The following ATF6 variants were observed in gnomAD, a reference collection of about 807,000 sequenced individuals.
The protein encoded by ATF6 is activating transcription factor 6, also known as cyclic AMP-dependent transcription factor ATF-6 alpha.
In ATF6, 53 loss-of-function variants were observed where a neutral mutation model predicts 83.6. The observed-to-expected ratio is 0.63, with a 90% CI of 0.51 to 0.80. The LOEUF (loss-of-function observed/expected upper bound fraction) is 0.80. Among genes scored for constraint, ATF6 ranks in the 30% least tolerant of loss-of-function variants. The pLI, the probability that ATF6 is intolerant of heterozygous loss-of-function variation, is 0.00. For missense variants in ATF6, 744 were observed against 797.9 expected (o/e 0.93, Z 0.81); for synonymous variants, 288 against 285.8 (o/e 1.01, Z -0.08).
chr1:161,775,971 A>G (rs1238768347), intron 1 of ATF6, among the ~76,000 whole-genome samples: 1 of 152,164 alleles, frequency 6.6e-6, no homozygotes, highest in Non-Finnish European at 1.5e-5. Flanking sequence ...GTGTACATAT[A>G]TATATACTTC....
At chr1:161,775,059 A>G (rs114725430) in intron 1 of ATF6, among the ~76,000 whole-genome samples, 1,982 of 152,298 alleles carry the variant, frequency 0.013, 47 homozygotes, top group African/African-American at 0.044. Context: ...ATTCTCAGCA[A>G]ATGAACATGT....
At chr1:161,901,046 G>A (rs867069682) in intron 14 of ATF6, among the ~76,000 whole-genome samples, 6 of 151,974 alleles carry the variant, frequency 3.9e-5, no homozygotes, top group Admixed American at 6.6e-5. Flanking sequence ...TTCTTCTGTC[G>A]TATTAAGCAA....
chr1:161,834,327 G>A (rs570901185), intron 9 of ATF6, among the ~76,000 whole-genome samples: 18 of 152,034 alleles, frequency 1.2e-4, no homozygotes, highest in Admixed American at 3.3e-4. Flanking sequence ...ACATGCACAC[G>A]TATGTTTATT....
intron 15 of ATF6, among the ~76,000 whole-genome samples, chr1:161,933,244 C>T (rs1035050435): frequency 2.6e-5 from 4 of 152,098 alleles, no homozygotes; most frequent in African/African-American, 9.7e-5. Flanking sequence ...TTATATAGAA[C>T]ATTGATATGT....
chr1:161,818,343 G>A (rs1685666910), intron 7 of ATF6, among the ~76,000 whole-genome samples: 1 of 152,058 alleles, frequency 6.6e-6, no homozygotes, highest in Non-Finnish European at 1.5e-5. Context: ...TATAACAATA[G>A]GCTTCATAAC....
chr1:161,920,426 C>G (rs1372272382), intron 15 of ATF6, among the ~76,000 whole-genome samples: 1 of 151,500 alleles, frequency 6.6e-6, no homozygotes, highest in Non-Finnish European at 1.5e-5. Context: ...TCCCAAGTAG[C>G]TGGGACTACA....
chr1:161,918,649 C>T (rs61809463), intron 15 of ATF6, among the ~76,000 whole-genome samples: 19 of 152,146 alleles, frequency 1.2e-4, no homozygotes, highest in Admixed American at 6.5e-4. Flanking sequence ...CAGAGTTGTT[C>T]ATTCTGAGCA....
At chr1:161,777,698 T>C (rs936003842) in intron 1 of ATF6, among the ~76,000 whole-genome samples, 3 of 152,256 alleles carry the variant, frequency 2.0e-5, no homozygotes, top group Admixed American at 6.5e-5. Flanking sequence ...TAATGAAACC[T>C]CATTAGGAAA....
chr1:161,916,870 A>G (rs1375228943), intron 15 of ATF6, among the ~76,000 whole-genome samples: 1 of 152,250 alleles, frequency 6.6e-6, no homozygotes. Flanking sequence ...CACTACTTCA[A>G]AAAATTCCCT....
At chr1:161,839,427 A>G (rs1393885984) in intron 9 of ATF6, among the ~76,000 whole-genome samples, 2 of 152,104 alleles carry the variant, frequency 1.3e-5, no homozygotes, top group African/African-American at 2.4e-5. Flanking sequence ...CAGCAATGCA[A>G]TCACGGCTCA....
intron 14 of ATF6, among the ~76,000 whole-genome samples, chr1:161,876,383 G>T (rs1687217012): frequency 6.6e-6 from 1 of 151,940 alleles, no homozygotes; most frequent in South Asian, 2.1e-4. Context: ...ATTGAGCAAG[G>T]TCGATTATCC....
chr1:161,892,203 G>A (rs953351875), intron 14 of ATF6: 3 of 152,196 alleles, frequency 2.0e-5, no homozygotes, highest in African/African-American at 7.2e-5. Context: ...GTGATGGCCT[G>A]AGTGTGCTTA....
chr1:161,791,159 A>G (rs12046853), intron 4 of ATF6, among the ~76,000 whole-genome samples: 17,678 of 151,232 alleles, frequency 0.12, 1,565 homozygotes, highest in East Asian at 0.31. Context: ...ATGTAGCAAC[A>G]GATCAATGAT....
chr1:161,930,257 G>A (rs1234627567), intron 15 of ATF6, among the ~76,000 whole-genome samples: 2 of 152,072 alleles, frequency 1.3e-5, no homozygotes, highest in Non-Finnish European at 2.9e-5. Context: ...TAGTTGTTTT[G>A]GGTTTTTTAA....
intron 12 of ATF6, among the ~76,000 whole-genome samples, chr1:161,858,191 G>A (rs1054364726): frequency 2.2e-4 from 34 of 152,190 alleles, no homozygotes; most frequent in African/African-American, 7.9e-4. Flanking sequence ...TCAGTGAAAA[G>A]AAGACAGGAA....
chr1:161,853,829 C>T (rs1686698510), intron 12 of ATF6, among the ~76,000 whole-genome samples: 1 of 152,118 alleles, frequency 6.6e-6, no homozygotes, highest in African/African-American at 2.4e-5. Flanking sequence ...CCACAAAACA[C>T]CATTAAGTCA....
chr1:161,812,863 T>A (rs1039785887), intron 7 of ATF6, among the ~76,000 whole-genome samples: 1 of 151,700 alleles, frequency 6.6e-6, no homozygotes, highest in Admixed American at 6.6e-5. Context: ...CATTATAGCT[T>A]ACAGAGAACC....
intron 2 of ATF6, 74 bp downstream of exon 2, chr1:161,778,394 A>G (rs940226272): frequency 5.0e-6 from 6 of 1,210,300 alleles, no homozygotes; most frequent in South Asian, 1.3e-5. Flanking sequence ...GTTTCAGGAC[A>G]ACAGGTTCAG....
chr1:161,848,105 T>G (rs1269034521), intron 10 of ATF6, among the ~76,000 whole-genome samples: 1 of 147,282 alleles, frequency 6.8e-6, no homozygotes, highest in Non-Finnish European at 1.5e-5. Flanking sequence ...GTTACTGGTC[T>G]TGGGGAAAAA....
Sources: gnomAD v4.1 joint callset for allele counts (sites outside exome capture counted in the v4.1 genomes callset) on GRCh38, gnomAD v4.1.1 for gene constraint, MANE v1.5 for transcripts, NCBI Gene and HGNC (gene_info 2026-07-23, HGNC 2026-07-21) for gene names.